The following MERTK variants were observed in gnomAD, a reference collection of about 807,000 sequenced individuals.
MERTK encodes the protein MER proto-oncogene, tyrosine kinase, also known as tyrosine-protein kinase Mer.
In MERTK, 69 loss-of-function variants were observed where a neutral mutation model predicts 99.3. The observed-to-expected ratio is 0.70, with a 90% CI of 0.57 to 0.85. The LOEUF is 0.85. MERTK is among the 40% of genes least tolerant of loss of function. The pLI is 0.00. For synonymous variants in MERTK, 426 were observed against 467.6 expected, an observed-to-expected ratio of 0.91 and a Z score of 1.15; for missense variants, 1,125 against 1,249.4, an observed-to-expected ratio of 0.90 and a Z score of 1.50.
intron 1 of MERTK, among the ~76,000 whole-genome samples, chr2:111,924,536 TC>T (rs537671486): frequency 5.1e-4 from 77 of 152,280 alleles, no homozygotes; most frequent in African/African-American, 1.8e-3. Context: ...TTCACTGCCT[TC>T]CTGGAAGGTT....
At chr2:111,926,599 C>T (rs144736973) in intron 1 of MERTK, among the ~76,000 whole-genome samples, 167 of 151,288 alleles carry the variant, frequency 1.1e-3, no homozygotes, top group African/African-American at 3.8e-3. Flanking sequence ...TGGTGGCGCG[C>T]ACCTGTAGTC....
At chr2:111,969,065 A>C (rs1676021291) in intron 6 of MERTK, among the ~76,000 whole-genome samples, 1 of 152,124 alleles carries the variant, frequency 6.6e-6, no homozygotes. Flanking sequence ...TGCTGCCTTG[A>C]ATGGGTATGA....
In MERTK at chr2:111,919,799, CTTTTTT is replaced by C. The variant is rs5833425; in HGVS notation, c.62-9309_62-9304del. On this transcript the variant is annotated intron_variant, in intron 1 of 18. Transcript: ENST00000295408. ...TTTTGATGTTTTTTCTTTTTCTTTT[CTTTTTT>C]TTTTTTTTTTTGAGCCAAAAGGAAT... Among the ~76,000 whole-genome samples, 9 of 130,424 alleles carry C rather than the reference CTTTTTT, an allele frequency of 6.9e-5. No homozygotes were observed. In the South Asian group the frequency reaches 2.3e-3, roughly 33 times the overall value. 85.6% of individuals were successfully genotyped at this position (130,424 alleles called of 152,430 possible).
intron 1 of MERTK, among the ~76,000 whole-genome samples, chr2:111,925,292 A>ATT (rs11433691): frequency 0.12 from 3,059 of 24,642 alleles, 899 homozygotes; most frequent in Non-Finnish European, 0.17. Context: ...ATATATATAT[A>ATT]TTTTTTTTTT....
At chr2:111,996,506 G>A (rs542446452) in intron 9 of MERTK, 2 of 154,564 alleles carry the variant, frequency 1.3e-5, no homozygotes, top group South Asian at 2.0e-4. Flanking sequence ...ATTGAAAGAG[G>A]GAGTTGGTGA....
rs758575057 is a variant in MERTK, at chr2:111,944,949, T to C, written c.483-11T>C. Reference sequence around the variant, plus strand: ...GTCACTGTAAATATCTTCATGTGTTTTTCTTTGCAGCATAACCAGTGTGCA... The same window carrying C: ...GTCACTGTAAATATCTTCATGTGTTCTTCTTTGCAGCATAACCAGTGTGCA... On this transcript the variant is annotated splice_polypyrimidine_tract_variant and intron_variant, in intron 2 of 18. Coordinates refer to ENST00000295408, the MANE Select transcript of MERTK (RefSeq NM_006343.3). The C allele has an allele frequency of 6.8e-6, 11 of 1,610,480 alleles. No homozygotes were observed. The highest frequency in any genetic ancestry group is 3.3e-4 in the Middle Eastern group (2 of 6,082).
chr2:111,905,246 CTT>C (rs887987178), intron 1 of MERTK, among the ~76,000 whole-genome samples: 1 of 152,028 alleles, frequency 6.6e-6, no homozygotes, highest in African/African-American at 2.4e-5. Flanking sequence ...ACAGCCATCC[CTT>C]CATGGGAGCT....
intron 1 of MERTK, among the ~76,000 whole-genome samples, chr2:111,918,444 T>C (rs546215382): frequency 7.9e-5 from 12 of 152,146 alleles, no homozygotes; most frequent in African/African-American, 2.7e-4. Context: ...CTGGGTCTTA[T>C]GAAAGCCACA....
At chr2:111,946,566 T>C (rs142799579) in intron 3 of MERTK, among the ~76,000 whole-genome samples, 1 of 152,224 alleles carries the variant, frequency 6.6e-6, no homozygotes, top group Non-Finnish European at 1.5e-5. Context: ...ACTGTGTTTA[T>C]ACAGTTTTCA....
chr2:111,905,425 A>G (rs985328821), intron 1 of MERTK, among the ~76,000 whole-genome samples: 5 of 138,156 alleles, frequency 3.6e-5, no homozygotes, highest in African/African-American at 1.3e-4. Context: ...TGAGAAACCT[A>G]CACTGTTCTT....
intron 15 of MERTK, among the ~76,000 whole-genome samples, chr2:112,014,123 G>A (rs867994034): frequency 1.6e-4 from 24 of 151,116 alleles, no homozygotes; most frequent in Non-Finnish European, 1.9e-4. Context: ...CTGGGTTCAC[G>A]CCATTCTCCT....
At chr2:111,966,744 G>T (rs1006690447) in intron 5 of MERTK, among the ~76,000 whole-genome samples, 5 of 152,118 alleles carry the variant, frequency 3.3e-5, no homozygotes, top group African/African-American at 1.2e-4. Context: ...ATGCTTTAGG[G>T]CAGTTCCACA....
chr2:111,925,089 C>G (rs1227556327), intron 1 of MERTK, among the ~76,000 whole-genome samples: 1 of 151,542 alleles, frequency 6.6e-6, no homozygotes, highest in Admixed American at 6.6e-5. Flanking sequence ...CTCCCCACCC[C>G]CAGTTAGCCA....
intron 13 of MERTK, among the ~76,000 whole-genome samples, chr2:112,004,947 AT>A (rs1676950427): frequency 1.3e-5 from 2 of 152,202 alleles, no homozygotes; most frequent in Non-Finnish European, 2.9e-5. Flanking sequence ...AGCAGGTTAA[AT>A]TCCAGAAAGT....
chr2:111,914,101 C>CTTTTTTTTTTTTTTTTTTTTTTTTTT (rs765850254), intron 1 of MERTK, among the ~76,000 whole-genome samples: 16 of 94,452 alleles, frequency 1.7e-4, no homozygotes, highest in African/African-American at 2.4e-4. Context: ...TTCTTTCTTT[C>CTTTTTTTTTTTTTTTTTTTTTTTTTT]TTTTTTTTTT....
chr2:111,922,350 G>C (rs1463554055), intron 1 of MERTK, among the ~76,000 whole-genome samples: 2 of 152,230 alleles, frequency 1.3e-5, no homozygotes, highest in East Asian at 1.9e-4. Context: ...GCTCATGTTA[G>C]GAAAGGCTGG....
chr2:112,010,370 G>A (rs1476526585), intron 15 of MERTK: 4 of 350,844 alleles, frequency 1.1e-5, no homozygotes, highest in South Asian at 2.5e-5. Flanking sequence ...CCTCATGGCC[G>A]CATACTCCCC....
At chr2:112,027,139 AT>A (rs1677479245) in intron 18 of MERTK, among the ~76,000 whole-genome samples, 1 of 151,840 alleles carries the variant, frequency 6.6e-6, no homozygotes, top group Non-Finnish European at 1.5e-5. Context: ...TATTAAAAAA[AT>A]AAATACATCT....
chr2:111,926,597 C>T (rs985257080), intron 1 of MERTK, among the ~76,000 whole-genome samples: 4 of 150,720 alleles, frequency 2.7e-5, no homozygotes, highest in Admixed American at 6.6e-5. Flanking sequence ...CATGGTGGCG[C>T]GCACCTGTAG....
Sources: allele counts gnomAD v4.1 joint callset (sites outside exome capture counted in the v4.1 genomes callset), GRCh38; gene constraint gnomAD v4.1.1; transcripts MANE v1.5; gene names NCBI Gene and HGNC (gene_info 2026-07-23, HGNC 2026-07-21).